The following MAGI2 variants were observed in gnomAD, a reference collection of about 807,000 sequenced individuals.
The protein encoded by MAGI2 is membrane associated guanylate kinase, WW and PDZ domain containing 2.
Under a neutral mutation model 133.3 loss-of-function variants are expected in MAGI2, and 35 were observed. That is an observed-to-expected ratio of 0.26 (90% CI 0.20 to 0.35). MAGI2 has a LOEUF of 0.35. Among genes scored for constraint, MAGI2 ranks in the 10% least tolerant of loss-of-function variants. The pLI, the probability that MAGI2 is intolerant of heterozygous loss-of-function variation, is 1.00. For missense variants in MAGI2, 1,636 were observed against 1,863.4 expected, an observed-to-expected ratio of 0.88 and a Z score of 2.25; for synonymous variants, 729 against 710.6, an observed-to-expected ratio of 1.03 and a Z score of -0.41.
intron 2 of MAGI2, among the ~76,000 whole-genome samples, chr7:78,717,965 AC>A (rs1819880535): frequency 6.6e-6 from 1 of 152,080 alleles, no homozygotes; most frequent in African/African-American, 2.4e-5. Context: ...ACCCAAGATA[AC>A]TCTGTAATGA....
chr7:78,239,095 A>T (rs542497677), intron 10 of MAGI2, among the ~76,000 whole-genome samples: 1 of 152,188 alleles, frequency 6.6e-6, no homozygotes, highest in African/African-American at 2.4e-5. Context: ...TTCTACACAG[A>T]TGTCTTTCCC....
chr7:78,257,614 TGG>T (rs1205160701), intron 9 of MAGI2, among the ~76,000 whole-genome samples: 1 of 152,208 alleles, frequency 6.6e-6, no homozygotes, highest in Admixed American at 6.5e-5. Context: ...CAGAAAATCA[TGG>T]CTGTTTGAGA....
chr7:78,790,545 T>C (rs1158970654), intron 2 of MAGI2, among the ~76,000 whole-genome samples: 1 of 152,128 alleles, frequency 6.6e-6, no homozygotes, highest in African/African-American at 2.4e-5. Flanking sequence ...GTGATTCTCA[T>C]GCCTCAGCCT....
intron 6 of MAGI2, among the ~76,000 whole-genome samples, chr7:78,420,866 A>G (rs1798730828): frequency 6.6e-6 from 1 of 152,198 alleles, no homozygotes; most frequent in African/African-American, 2.4e-5. Flanking sequence ...TCTTGAAATG[A>G]ATTATTTTTG....
intron 2 of MAGI2, among the ~76,000 whole-genome samples, chr7:78,933,908 C>T (rs1800324637): frequency 6.6e-6 from 1 of 152,044 alleles, no homozygotes. Context: ...GGACAAATCC[C>T]TGGTCCCTCA....
intron 1 of MAGI2, among the ~76,000 whole-genome samples, chr7:79,234,597 G>A (rs1831704541): frequency 6.6e-6 from 1 of 152,058 alleles, no homozygotes; most frequent in South Asian, 2.1e-4. Flanking sequence ...GGCTCCTGAG[G>A]CTTCTGCATT....
intron 1 of MAGI2, among the ~76,000 whole-genome samples, chr7:79,352,119 C>T (rs918272150): frequency 1.1e-4 from 16 of 152,150 alleles, no homozygotes; most frequent in African/African-American, 3.1e-4. Flanking sequence ...AATGAAGCAT[C>T]GTTATCTTTT....
chr7:78,099,996 A>G (rs1019122322), intron 20 of MAGI2, among the ~76,000 whole-genome samples: 1 of 152,180 alleles, frequency 6.6e-6, no homozygotes, highest in African/African-American at 2.4e-5. Flanking sequence ...GTGGATGACA[A>G]TATTCTCTGT....
chr7:79,387,352 C>T (rs141273150), intron 1 of MAGI2, among the ~76,000 whole-genome samples: 47 of 152,110 alleles, frequency 3.1e-4, no homozygotes, highest in East Asian at 1.9e-3. Context: ...CTAAGGCTTT[C>T]GATTACCACT....
At position 78,330,378 on chromosome 7, in the gene MAGI2, G is replaced by C. The variant is rs909904391; in HGVS notation, c.1408+13400C>G. On this transcript the variant is annotated intron_variant, in intron 9 of 21. Transcript: ENST00000354212. ...CACGCCTGTAATCCCAGCACTTTGGGAGGCCGAGGCGGGCGGATCACGAGG... is the reference window on the plus strand; with the variant it reads ...CACGCCTGTAATCCCAGCACTTTGGCAGGCCGAGGCGGGCGGATCACGAGG... Among the ~76,000 whole-genome samples, 2 of 36,988 alleles carry C rather than the reference G, an allele frequency of 5.4e-5. 1 individual carries two copies. Among genetic ancestry groups the C allele is most frequent in the African/African-American group, 2.6e-4 (2 of 7,588 alleles). The allele number at this position is 36,988 out of a possible 152,430, so 24.3% of individuals were successfully genotyped here. A position where few individuals can be genotyped will look rare whatever the true frequency, so the allele number is the denominator to read the frequency against.
At chr7:78,484,561 G>A (rs959317972) in intron 6 of MAGI2, 1 of 151,966 alleles carries the variant, frequency 6.6e-6, no homozygotes, top group Non-Finnish European at 1.5e-5. Flanking sequence ...ACCCCCCAGT[G>A]TATTACTCTC....
intron 3 of MAGI2, among the ~76,000 whole-genome samples, chr7:78,573,302 TTATATATATAAA>T (rs1801866543): frequency 2.9e-5 from 1 of 34,870 alleles, no homozygotes; most frequent in Non-Finnish European, 4.6e-5. Context: ...ATATATATAT[TTATATATATAAA>T]TATATAAATA....
chr7:78,575,297 G>A (rs1011221958), intron 3 of MAGI2, among the ~76,000 whole-genome samples: 1 of 150,048 alleles, frequency 6.7e-6, no homozygotes, highest in Non-Finnish European at 1.5e-5. Flanking sequence ...AGGTTTGAAA[G>A]TAACGGCAAA....
chr7:79,102,848 G>T (rs542442976), intron 1 of MAGI2, among the ~76,000 whole-genome samples: 2 of 152,284 alleles, frequency 1.3e-5, no homozygotes, highest in South Asian at 4.1e-4. Flanking sequence ...GTGTTGCTGC[G>T]AAGATAGTTT....
intron 20 of MAGI2, among the ~76,000 whole-genome samples, chr7:78,103,645 C>G (rs967498884): frequency 6.6e-6 from 1 of 152,214 alleles, no homozygotes; most frequent in South Asian, 2.1e-4. Context: ...GGCTCTTTCC[C>G]GTATACTACT....
intron 13 of MAGI2, among the ~76,000 whole-genome samples, chr7:78,184,858 T>C (rs550323730): frequency 1.3e-5 from 2 of 152,354 alleles, no homozygotes; most frequent in South Asian, 4.1e-4. Context: ...TATTGAAATA[T>C]AGTATTTTAT....
At chr7:78,755,641 T>C (rs1823871256) in intron 2 of MAGI2, among the ~76,000 whole-genome samples, 1 of 152,208 alleles carries the variant, frequency 6.6e-6, no homozygotes, top group African/African-American at 2.4e-5. Flanking sequence ...AACTGGTGAT[T>C]TGACAAAATA....
chr7:78,421,935 T>C (rs1798838729), intron 6 of MAGI2, among the ~76,000 whole-genome samples: 1 of 152,156 alleles, frequency 6.6e-6, no homozygotes, highest in South Asian at 2.1e-4. Flanking sequence ...AATTTATATA[T>C]CCTCCTAATT....
intron 6 of MAGI2, among the ~76,000 whole-genome samples, chr7:78,456,690 T>C (rs1584221462): frequency 6.6e-6 from 1 of 151,632 alleles, no homozygotes; most frequent in African/African-American, 2.4e-5. Context: ...CAGAGGAGGG[T>C]GTGATGAACC....
Sources: gnomAD v4.1 joint callset for allele counts (sites outside exome capture counted in the v4.1 genomes callset) on GRCh38, gnomAD v4.1.1 for gene constraint, MANE v1.5 for transcripts, NCBI Gene and HGNC (gene_info 2026-07-23, HGNC 2026-07-21) for gene names.